The following ZNF484 variants were observed in gnomAD, a reference collection of about 807,000 sequenced individuals.
The protein encoded by ZNF484 is KRAB box containing C2H2 type zinc finger bA526D8.4.
Under a neutral mutation model 12.9 loss-of-function variants are expected in ZNF484, and 11 were observed. The ratio of observed to expected loss-of-function variants is 0.85; its 90% CI spans 0.54 to 1.41. The LOEUF is 1.41. Ranked by LOEUF, ZNF484 falls within the 40% of genes most tolerant of loss-of-function variation. The probability of loss-of-function intolerance (pLI) is 0.00; values close to 1 mark genes in which losing one functional copy is unlikely to be tolerated. For synonymous variants in ZNF484, 289 were observed against 334.1 expected (o/e 0.86, Z 1.47); for missense variants, 807 against 1,007.7 (o/e 0.80, Z 2.70).
intron 4 of ZNF484, among the ~76,000 whole-genome samples, chr9:92,853,065 T>C (rs1316410537): frequency 6.6e-6 from 1 of 152,226 alleles, no homozygotes; most frequent in Non-Finnish European, 1.5e-5. Context: ...TTTTCTTCCA[T>C]GTAGCTATGA....
At chr9:92,849,371 A>G (rs545276567) in intron 4 of ZNF484, among the ~76,000 whole-genome samples, 2 of 152,112 alleles carry the variant, frequency 1.3e-5, no homozygotes, top group South Asian at 4.1e-4. Flanking sequence ...TAGGTATAAT[A>G]ACTCATTTAT....
chr9:92,865,292 AAAC>A (rs1029474579), intron 2 of ZNF484, among the ~76,000 whole-genome samples: 3 of 152,140 alleles, frequency 2.0e-5, no homozygotes, highest in African/African-American at 4.8e-5. Context: ...ATCAAAACAA[AAAC>A]AACAACAACA....
At position 92,846,248 on chromosome 9, in the gene ZNF484, C is replaced by T. The variant is rs1169865942; in HGVS notation, c.2539G>A (p.Gly847Ser). The T allele has an allele frequency of 6.2e-7, 1 of 1,613,086 alleles. No individual in the cohort carries two copies. The highest frequency in any genetic ancestry group is 1.1e-5 in the South Asian group (1 of 90,868). Reference sequence around the variant, plus strand: ...TCTAACTAGATAGAAGAAAGTTGGCCTTGGTCACCTTCTGAGTCCCCACAC... The same window carrying T: ...TCTAACTAGATAGAAGAAAGTTGGCTTTGGTCACCTTCTGAGTCCCCACAC... ...LWCGDSEGDQ[G>S]QLSSI The change falls in exon 5 of 5, where the codon GGC (glycine) becomes AGC (serine). Residue 847 changes from glycine to serine, a missense_variant. Physicochemically the swap from Gly to Ser is moderately conservative, Grantham distance 56. Coordinates refer to ENST00000375495, the MANE Select transcript of ZNF484 (RefSeq NM_031486.4).
chr9:92,874,293 A>C (rs749683879), intron 2 of ZNF484, among the ~76,000 whole-genome samples: 2 of 145,072 alleles, frequency 1.4e-5, no homozygotes, highest in African/African-American at 5.3e-5. Flanking sequence ...CTGTTAGTGC[A>C]CGTTCTTTCT....
At chr9:92,872,187 C>T (rs10821032) in intron 2 of ZNF484, among the ~76,000 whole-genome samples, 53,581 of 145,380 alleles carry the variant, frequency 0.37, 10,001 homozygotes, top group Admixed American at 0.43. Context: ...GCCAAGATCG[C>T]GCCATTGCAC....
At chr9:92,858,466 G>A (rs988961241) in intron 2 of ZNF484, among the ~76,000 whole-genome samples, 3 of 152,080 alleles carry the variant, frequency 2.0e-5, no homozygotes, top group Non-Finnish European at 4.4e-5. Context: ...ATTTGAAGAA[G>A]TAATGGCTAT....
intron 2 of ZNF484, among the ~76,000 whole-genome samples, chr9:92,859,222 C>T (rs10739931): frequency 0.67 from 101,592 of 152,012 alleles, 34,957 homozygotes; most frequent in African/African-American, 0.83. Flanking sequence ...CATTAAACAT[C>T]CAAGTTAAAA....
intron 2 of ZNF484, among the ~76,000 whole-genome samples, chr9:92,873,138 C>T (rs1319365716): frequency 6.6e-6 from 1 of 152,102 alleles, no homozygotes; most frequent in Non-Finnish European, 1.5e-5. Flanking sequence ...GAGAGATTCT[C>T]TCTCCATAGG....
At position 92,846,522 on chromosome 9, in the gene ZNF484, C is replaced by A; in HGVS notation, c.2265G>T (p.Lys755Asn). ...GGAGTTGTGATTTCTTAATGAAAGA[C>A]TTGCCACAGTCACTGCATTCATAGG... The part of the protein sequence containing the change: ...EKPYECSDCG[K>N]SFIKKSQLHE... The change falls in exon 5 of 5, where the codon AAG becomes AAT. Residue 755 changes from lysine (K) to asparagine (N), a missense_variant. Transcript: ENST00000375495. 6.2e-7 allele frequency: 1 copy of A among 1,613,616 alleles called. No homozygotes were observed. The highest frequency in any genetic ancestry group is 8.5e-7 in the Non-Finnish European group (1 of 1,179,880).
At chr9:92,864,835 C>G (rs180720448) in intron 2 of ZNF484, among the ~76,000 whole-genome samples, 20 of 152,218 alleles carry the variant, frequency 1.3e-4, no homozygotes, top group Non-Finnish European at 2.5e-4. Context: ...ATTCATTAAT[C>G]ACTAGATATA....
Position 92,848,226 on chromosome 9 carries a change from A to G in ZNF484, c.561T>C (p.Pro187=), listed in dbSNP as rs1400922318. ...TGTTTCTATTATATAAGGTTATGAT[A>G]GGCTCCAAATTCTTTCCACACGAGT... The part of the protein sequence containing the change: ...NCNSCGKNLE[P]IITLYNRNNA... The change falls in exon 5 of 5, where the codon CCT becomes CCC. Residue 187 remains proline, a synonymous_variant. Coordinates refer to ENST00000375495, the MANE Select transcript of ZNF484 (RefSeq NM_031486.4). This position sits in a 1 kb window ranked among gnomAD's most constrained non-coding sequence, Gnocchi z 4.1. The G allele has an allele frequency of 6.2e-7, 1 of 1,614,194 alleles. No homozygotes were observed. Among genetic ancestry groups the G allele is most frequent in the South Asian group, 1.1e-5 (1 of 91,080 alleles).
In ZNF484 at chr9:92,856,229, TTC is replaced by T. The variant is rs760222800; in HGVS notation, c.103_104del (p.Glu35SerfsTer36). On this transcript the variant is annotated frameshift_variant, in exon 3 of 5. Transcript: ENST00000375495. LOFTEE classifies it high-confidence loss of function. Reference sequence around the variant, plus strand: ...AGTTGAAATAGTTTTCCAGCATCACTTCTCTGTACAGGCTTTTCTGAGCAAGG... The same window carrying T: ...AGTTGAAATAGTTTTCCAGCATCACTTCTGTACAGGCTTTTCTGAGCAAGG... The part of the protein sequence containing the change: ...LDLAQKSLYR[E>X]VMLENYFNLI... 1 of 1,614,064 alleles carries T rather than the reference TTC, an allele frequency of 6.2e-7. No individual in the cohort carries two copies. Among genetic ancestry groups the T allele is most frequent in the South Asian group, 1.1e-5 (1 of 91,064 alleles).
At chr9:92,872,459 C>T (rs10435920) in intron 2 of ZNF484, among the ~76,000 whole-genome samples, 8,507 of 80,522 alleles carry the variant, frequency 0.11, 1,547 homozygotes, top group South Asian at 0.23. Context: ...CATTGCACTC[C>T]AGCCTGGGCA....
At position 92,846,831 on chromosome 9, in the gene ZNF484, A is replaced by G; in HGVS notation, c.1956T>C (p.Phe652=). The G allele has an allele frequency of 1.2e-6, 2 of 1,613,992 alleles. No homozygotes were observed. Among genetic ancestry groups the G allele is most frequent in the Non-Finnish European group, 8.5e-7 (1 of 1,179,978 alleles). Residue 652 remains phenylalanine (F), a synonymous_variant, in exon 5 of 5, where the codon TTT becomes TTC. Coordinates refer to ENST00000375495, the MANE Select transcript of ZNF484 (RefSeq NM_031486.4). ...CTCCAGTGTGAATTTTCTGGTGTGT[A>G]AAGAGATTTGATCTGTCAGTAAAAG... ...GKAFTDRSNL[F]THQKIHTGEK...
intron 4 of ZNF484, among the ~76,000 whole-genome samples, chr9:92,854,851 T>C (rs1225465428): frequency 6.6e-6 from 1 of 152,110 alleles, no homozygotes; most frequent in Non-Finnish European, 1.5e-5. Context: ...GAATGATATG[T>C]AGAAATTAGA....
Position 92,847,520 on chromosome 9 carries a change from G to C in ZNF484, c.1267C>G (p.Arg423Gly). Reference sequence around the variant, plus strand: ...TCATGTGTGATAAAATGTGACTTCCGGATAAAGGCCTTCCCACATTCAGTA... The same window carrying C: ...TCATGTGTGATAAAATGTGACTTCCCGATAAAGGCCTTCCCACATTCAGTA... ...VCTECGKAFI[R>G]KSHFITHERI... Residue 423 changes from arginine to glycine, a missense_variant, in exon 5 of 5, where the codon CGG becomes GGG. By Grantham distance (125) the Arg-to-Gly change is moderately radical (BLOSUM62 -2). Transcript: ENST00000375495. The C allele has an allele frequency of 6.2e-7, 1 of 1,613,206 alleles. No homozygotes were observed. The highest frequency in any genetic ancestry group is 8.5e-7 in the Non-Finnish European group (1 of 1,179,730).
chr9:92,865,060 G>A (rs775608904), intron 2 of ZNF484, among the ~76,000 whole-genome samples: 18 of 151,972 alleles, frequency 1.2e-4, no homozygotes, highest in African/African-American at 3.6e-4. Flanking sequence ...GAGAGAGAAC[G>A]AGAGAGAAAG....
At chr9:92,876,416 A>T (rs1857817242) in intron 1 of ZNF484, among the ~76,000 whole-genome samples, 1 of 152,346 alleles carries the variant, frequency 6.6e-6, no homozygotes, top group East Asian at 1.9e-4. Context: ...CTATCAACAG[A>T]GACTATAAAT....
Position 92,848,266 on chromosome 9 carries a change from C to CT in ZNF484, c.520dup (p.Arg174LysfsTer4). ...TCCACACGAGTTACAGTTATGGGGT[C>CT]TTTTTCTTGAGGAAACCAGGTGTGT... is the stretch of plus-strand genomic sequence containing the variant. On this transcript the variant is annotated frameshift_variant, in exon 5 of 5. Coordinates refer to ENST00000375495, the MANE Select transcript of ZNF484 (RefSeq NM_031486.4). LOFTEE classifies it low-confidence loss of function (END_TRUNC). The surrounding 1 kb of genome is among the most constrained non-coding windows in gnomAD (Gnocchi z 4.1). The CT allele has an allele frequency of 6.2e-7, 1 of 1,614,070 alleles. No individual in the cohort carries two copies. The highest frequency in any genetic ancestry group is 8.5e-7 in the Non-Finnish European group (1 of 1,180,014).
Sources: gnomAD v4.1 joint callset for allele counts (sites outside exome capture counted in the v4.1 genomes callset) on GRCh38, gnomAD v4.1.1 for gene constraint, Gnocchi (gnomAD v3.1) non-coding constraint, MANE v1.5 for transcripts, NCBI Gene and HGNC (gene_info 2026-07-23, HGNC 2026-07-21) for gene names.